PHLDB2: variants seen among roughly 807,000 people sequenced by gnomAD.
The protein encoded by PHLDB2 is pleckstrin homology like domain family B member 2, also known as pleckstrin homology-like domain family B member 2.
Under a neutral mutation model 123.6 loss-of-function variants are expected in PHLDB2, and 71 were observed. That is an observed-to-expected ratio of 0.57 (90% confidence interval 0.47 to 0.70). The LOEUF is 0.70. PHLDB2 is among the 30% of genes least tolerant of loss of function. PHLDB2 has a pLI of 0.00. For missense variants in PHLDB2, 1,446 were observed against 1,519.5 expected, an observed-to-expected ratio of 0.95 and a Z score of 0.80; for synonymous variants, 547 against 541.6, an observed-to-expected ratio of 1.01 and a Z score of -0.14.
intron 2 of PHLDB2, among the ~76,000 whole-genome samples, chr3:111,892,507 C>T (rs537574291): frequency 1.3e-5 from 2 of 152,280 alleles, no homozygotes; most frequent in East Asian, 1.9e-4. Flanking sequence ...TTTCCTTAAT[C>T]TGTGACTGTA....
At position 111,763,596 on chromosome 3, in the gene PHLDB2, C is replaced by T. The variant is rs115381759; in HGVS notation, c.-49+30893C>T. 7.1e-3 allele frequency among the ~76,000 whole-genome samples: 1,087 copies of T among 152,220 alleles called. 5 individuals are homozygous for T. The highest frequency in any genetic ancestry group is 0.011 in the Non-Finnish European group (744 of 68,022). Reference sequence around the variant, plus strand: ...TGTTACTACAACTACTACTCTACTGCAAGGAAAAGAGCAGTGCTATAATCT... The same window carrying T: ...TGTTACTACAACTACTACTCTACTGTAAGGAAAAGAGCAGTGCTATAATCT... On this transcript the variant is annotated intron_variant, in intron 1 of 17. Transcript: ENST00000393923.
intron 3 of PHLDB2, chr3:111,914,605 T>C (rs2107509319): frequency 6.6e-6 from 1 of 152,358 alleles, no homozygotes; most frequent in South Asian, 2.1e-4. Flanking sequence ...GACCCACTTA[T>C]TCATGTTCTT....
chr3:111,788,801 T>C (rs916661953), intron 1 of PHLDB2, among the ~76,000 whole-genome samples: 5 of 152,214 alleles, frequency 3.3e-5, no homozygotes, highest in Non-Finnish European at 7.3e-5. Context: ...ATTTTATGTG[T>C]GGCCCAAGAC....
At chr3:111,879,674 A>G (rs190037271) in intron 1 of PHLDB2, among the ~76,000 whole-genome samples, 80 of 151,908 alleles carry the variant, frequency 5.3e-4, no homozygotes, top group Middle Eastern at 6.8e-3. Flanking sequence ...TACTTTTTTT[A>G]TTTCTCTAAA....
At chr3:111,734,227 T>C (rs1189697239) in intron 1 of PHLDB2, among the ~76,000 whole-genome samples, 3 of 152,164 alleles carry the variant, frequency 2.0e-5, no homozygotes, top group Non-Finnish European at 2.9e-5. Flanking sequence ...AGGATGTTCA[T>C]AGATAATGCA....
chr3:111,867,711 TA>T (rs1559875958), intron 1 of PHLDB2, among the ~76,000 whole-genome samples: 1 of 152,196 alleles, frequency 6.6e-6, no homozygotes, highest in East Asian at 1.9e-4. Context: ...TTTTAATTTT[TA>T]TTTTTTTGAG....
At chr3:111,867,740 C>A (rs139095250) in intron 1 of PHLDB2, among the ~76,000 whole-genome samples, 32 of 152,144 alleles carry the variant, frequency 2.1e-4, no homozygotes, top group Non-Finnish European at 3.8e-4. Context: ...CTTGCTCTGT[C>A]ACCCAGGCTG....
At chr3:111,839,469 G>C (rs1196497373) in intron 1 of PHLDB2, among the ~76,000 whole-genome samples, 1 of 152,096 alleles carries the variant, frequency 6.6e-6, no homozygotes, top group Non-Finnish European at 1.5e-5. Flanking sequence ...AATGTTCTTT[G>C]TGCTATTCTT....
At chr3:111,880,505 T>C (rs1316441643) in intron 1 of PHLDB2, among the ~76,000 whole-genome samples, 1 of 152,156 alleles carries the variant, frequency 6.6e-6, no homozygotes, top group South Asian at 2.1e-4. Flanking sequence ...CTTCTTGTGG[T>C]ACAACTAAAA....
chr3:111,750,494 G>C (rs2059750734), intron 1 of PHLDB2, among the ~76,000 whole-genome samples: 1 of 152,172 alleles, frequency 6.6e-6, no homozygotes, highest in South Asian at 2.1e-4. Context: ...ACATTTCAGG[G>C]CCAGAGGTTA....
At chr3:111,824,942 T>C (rs1054590618) in intron 1 of PHLDB2, among the ~76,000 whole-genome samples, 2 of 152,224 alleles carry the variant, frequency 1.3e-5, no homozygotes, top group Non-Finnish European at 2.9e-5. Flanking sequence ...TCCTTATATA[T>C]CCACTTGTAG....
rs138292548 is a variant in PHLDB2 at position 111,819,904 on chromosome 3, T to C, written c.-48-25917T>C. On this transcript the variant is annotated intron_variant, in intron 1 of 17. Coordinates refer to the PHLDB2 transcript ENST00000393923. Reference sequence around the variant, plus strand: ...TTACTGAGTTTGAAACCAAACAAGGTTGACAAGTCCTCATTTAGTAACCGC... The same window carrying C: ...TTACTGAGTTTGAAACCAAACAAGGCTGACAAGTCCTCATTTAGTAACCGC... Among the ~76,000 whole-genome samples the C allele has an allele frequency of 2.6e-3, 391 of 152,370 alleles. 2 individuals are homozygous for C. The highest frequency in any genetic ancestry group is 8.7e-3 in the African/African-American group (360 of 41,594).
chr3:111,890,224 T>C (rs1180098328), intron 2 of PHLDB2, among the ~76,000 whole-genome samples: 1 of 152,202 alleles, frequency 6.6e-6, no homozygotes, highest in East Asian at 1.9e-4. Flanking sequence ...TGGAGATAAC[T>C]GTCAGTTGTA....
At chr3:111,868,140 C>T (rs919366242) in intron 1 of PHLDB2, among the ~76,000 whole-genome samples, 3 of 152,080 alleles carry the variant, frequency 2.0e-5, no homozygotes, top group South Asian at 2.1e-4. Flanking sequence ...CCGCCTCTGC[C>T]TCCTGAGTAG....
chr3:111,895,068 C>T (rs72938265), intron 2 of PHLDB2, among the ~76,000 whole-genome samples: 2,966 of 149,952 alleles, frequency 0.02, 105 homozygotes, highest in African/African-American at 0.067. Context: ...AAAAAAAAAA[C>T]GGTTGTCATA....
chr3:111,950,994 TC>T (rs1489080913), intron 10 of PHLDB2, among the ~76,000 whole-genome samples: 2 of 152,236 alleles, frequency 1.3e-5, no homozygotes, highest in Non-Finnish European at 2.9e-5. Flanking sequence ...CCTGCTGTTT[TC>T]TGTCAAATTT....
chr3:111,849,059 T>C (rs2064137281), intron 2 of PHLDB2, among the ~76,000 whole-genome samples: 1 of 152,228 alleles, frequency 6.6e-6, no homozygotes, highest in Non-Finnish European at 1.5e-5. Context: ...TATGAAACTT[T>C]CCTCTTGTGA....
chr3:111,974,565 G>A lies in PHLDB2; in HGVS notation c.*2G>A, dbSNP rs2072440731. 6.2e-7 allele frequency: 1 copy of A among 1,608,942 alleles called. No homozygotes were observed. Among genetic ancestry groups the A allele is most frequent in the Non-Finnish European group, 8.5e-7 (1 of 1,177,890 alleles). ...GGTTACACTCACTTCTTGTTGTAGT[G>A]AACTGAGGCAACAGTCCACTTCAGG... On this transcript the variant is annotated 3_prime_UTR_variant, in exon 18 of 18. Transcript: ENST00000431670.
intron 10 of PHLDB2, among the ~76,000 whole-genome samples, chr3:111,950,072 G>C (rs1418537279): frequency 6.6e-6 from 1 of 151,974 alleles, no homozygotes; most frequent in Non-Finnish European, 1.5e-5. Context: ...ATTGTTGTAA[G>C]GTTTTGATAC....
Sources: allele counts gnomAD v4.1 joint callset (sites outside exome capture counted in the v4.1 genomes callset), GRCh38; gene constraint gnomAD v4.1.1; transcripts MANE v1.5; gene names NCBI Gene and HGNC (gene_info 2026-07-23, HGNC 2026-07-21).